ATP11A: variants seen among roughly 807,000 people sequenced by gnomAD.
ATP11A encodes ATPase phospholipid transporting 11A.
A neutral mutation model predicts 154.4 loss-of-function variants in ATP11A; 81 were observed. The ratio of observed to expected loss-of-function variants is 0.52; its 90% CI spans 0.44 to 0.63. ATP11A has a LOEUF of 0.63. Among genes scored for constraint, ATP11A ranks in the 30% least tolerant of loss-of-function variants. The probability of loss-of-function intolerance (pLI) is 0.00; values close to 1 mark genes in which losing one functional copy is unlikely to be tolerated. For missense variants in ATP11A, 1,316 were observed against 1,474.3 expected, an observed-to-expected ratio of 0.89 and a Z score of 1.76; for synonymous variants, 623 against 585.9, an observed-to-expected ratio of 1.06 and a Z score of -0.91.
rs1342289451 is a variant in ATP11A at position 112,826,851 on chromosome 13, C to G, written c.1181C>G (p.Pro394Arg). Residue 394 changes from proline to arginine, a missense_variant, in exon 12 of 30, where the codon CCT (proline) becomes CGT (arginine). This residue lies in a region of ATP11A where 876 missense variants were observed against 1,006.8 expected (regional missense o/e 0.87). Transcript: ENST00000375645. ...TTTGACGAGGAGACTGGCGAGGGGC[C>G]TCTGGTGAACACGTCGGACCTCAAT... ...DMFDEETGEG[P>R]LVNTSDLNEE... 1 of 1,614,172 alleles carries G rather than the reference C, an allele frequency of 6.2e-7. No homozygotes were observed.
At chr13:112,723,108 G>A (rs1166754568) in intron 1 of ATP11A, among the ~76,000 whole-genome samples, 2 of 151,902 alleles carry the variant, frequency 1.3e-5, no homozygotes, top group Admixed American at 6.6e-5. Flanking sequence ...GCCCGCAGGC[G>A]GGACTTAACC....
At chr13:112,827,984 C>T (rs76749530) in intron 12 of ATP11A, among the ~76,000 whole-genome samples, 1 of 152,264 alleles carries the variant, frequency 6.6e-6, no homozygotes, top group Non-Finnish European at 1.5e-5. Flanking sequence ...AATATTCTAT[C>T]TCCTTTGCAA....
At chr13:112,801,739 G>A (rs774837074) in intron 2 of ATP11A, among the ~76,000 whole-genome samples, 23 of 152,146 alleles carry the variant, frequency 1.5e-4, no homozygotes, top group Non-Finnish European at 3.1e-4. Flanking sequence ...ATATGTACAA[G>A]GTCTAGGTAA....
At chr13:112,774,877 G>A (rs282589) in intron 1 of ATP11A, among the ~76,000 whole-genome samples, 77,478 of 152,192 alleles carry the variant, frequency 0.51, 20,918 homozygotes, top group African/African-American at 0.69. Flanking sequence ...CATCGGTGAA[G>A]AGCGTCGTTG....
At chr13:112,856,154 C>A in intron 20 of ATP11A, 69 bp downstream of exon 20, 2 of 1,446,040 alleles carry the variant, frequency 1.4e-6, no homozygotes, top group Non-Finnish European at 1.9e-6. Flanking sequence ...TCCGTTAGGT[C>A]TCACCGCCTC....
chr13:112,858,461 A>G (rs1005033089), intron 22 of ATP11A, 171 bp downstream of exon 22: 8 of 719,696 alleles, frequency 1.1e-5, no homozygotes, highest in Non-Finnish European at 1.7e-5. Context: ...CTTAGCTGTG[A>G]CTTTGCTTTT....
chr13:112,749,836 A>G (rs2076651923), intron 1 of ATP11A, among the ~76,000 whole-genome samples: 1 of 133,708 alleles, frequency 7.5e-6, no homozygotes, highest in Admixed American at 7.7e-5. Flanking sequence ...TTTCTGTCTT[A>G]GGGAAGGAGA....
chr13:112,810,291 T>C (rs1002834262), intron 4 of ATP11A, among the ~76,000 whole-genome samples: 2 of 152,234 alleles, frequency 1.3e-5, no homozygotes, highest in African/African-American at 4.8e-5. Flanking sequence ...GACACTTCTT[T>C]TTTAGGAATT....
chr13:112,848,010 G>T (rs773169658), intron 17 of ATP11A, among the ~76,000 whole-genome samples: 2 of 152,198 alleles, frequency 1.3e-5, no homozygotes, highest in Non-Finnish European at 2.9e-5. Context: ...AGGGTCGCTT[G>T]AGCACAGAAG....
At chr13:112,812,999 T>C (rs1042741084) in intron 5 of ATP11A, among the ~76,000 whole-genome samples, 2 of 152,182 alleles carry the variant, frequency 1.3e-5, no homozygotes, top group Non-Finnish European at 2.9e-5. Context: ...CCACAGAAAA[T>C]TGAATTTTTA....
intron 26 of ATP11A, 190 bp from the exon 27 acceptor site, chr13:112,873,383 T>C: frequency 1.8e-6 from 1 of 551,444 alleles, no homozygotes. Context: ...GAGGTGTGGC[T>C]TTGTCTTCCT....
Position 112,697,658 on chromosome 13 carries a change from C to T in ATP11A, c.39+7203C>T, listed in dbSNP as rs189054736. On this transcript the variant is annotated intron_variant, in intron 1 of 29. Coordinates refer to ENST00000375645, the MANE Select transcript of ATP11A (RefSeq NM_015205.3). This position sits in a 1 kb window ranked among gnomAD's most constrained non-coding sequence, Gnocchi z 4.0. ...TCTTGGCTCACTGCATCCTCTGCCT[C>T]CTAGGTGCAAGCAGTTCTCTTGCCT... Among the ~76,000 whole-genome samples, 516 of 151,886 alleles carry T rather than the reference C, an allele frequency of 3.4e-3. 1 individual carries two copies. Among genetic ancestry groups the T allele is most frequent in the Middle Eastern group, 6.8e-3 (2 of 292 alleles).
At chr13:112,868,307 A>G (rs2080403885) in intron 25 of ATP11A, among the ~76,000 whole-genome samples, 1 of 152,208 alleles carries the variant, frequency 6.6e-6, no homozygotes, top group African/African-American at 2.4e-5. Flanking sequence ...GACCTTGAGA[A>G]GGCGCAAGTT....
intron 1 of ATP11A, among the ~76,000 whole-genome samples, chr13:112,700,928 T>C (rs1458861729): frequency 2.6e-5 from 4 of 152,190 alleles, no homozygotes; most frequent in Non-Finnish European, 5.9e-5. Context: ...TGGACCTGCT[T>C]CTCTCGCCCA....
At chr13:112,801,955 C>T (rs373109067) in intron 2 of ATP11A, among the ~76,000 whole-genome samples, 2 of 152,160 alleles carry the variant, frequency 1.3e-5, no homozygotes, top group Non-Finnish European at 2.9e-5. Context: ...AGAATAGCCT[C>T]GCAGTATTGA....
intron 1 of ATP11A, among the ~76,000 whole-genome samples, chr13:112,724,204 G>A (rs73576460): frequency 0.014 from 2,008 of 141,792 alleles, 60 homozygotes; most frequent in African/African-American, 0.05. Context: ...CGGCACCATC[G>A]CCCCATTCCG....
intron 1 of ATP11A, among the ~76,000 whole-genome samples, chr13:112,756,235 G>A (rs1450417779): frequency 6.6e-6 from 1 of 152,216 alleles, no homozygotes; most frequent in African/African-American, 2.4e-5. Flanking sequence ...TTAGATTCCA[G>A]GCAGGGTCTA....
intron 28 of ATP11A, 134 bp downstream of exon 28, chr13:112,876,075 T>A (rs2080716086): frequency 2.1e-6 from 2 of 969,698 alleles, no homozygotes; most frequent in Non-Finnish European, 2.9e-6. Context: ...CACTAATGAG[T>A]GTCCTGACGG....
intron 3 of ATP11A, among the ~76,000 whole-genome samples, chr13:112,805,696 G>T (rs9635141): frequency 0.31 from 43,183 of 141,468 alleles, 6,299 homozygotes; most frequent in Middle Eastern, 0.37. Flanking sequence ...AAAAGAGAAA[G>T]AAAAAGAAAG....
Sources: allele counts gnomAD v4.1 joint callset (sites outside exome capture counted in the v4.1 genomes callset), GRCh38; gene constraint gnomAD v4.1.1; regional missense constraint gnomAD v4.1.1; non-coding constraint Gnocchi (gnomAD v3.1); transcripts MANE v1.5; gene names NCBI Gene and HGNC (gene_info 2026-07-23, HGNC 2026-07-21).